Variants in RBFOX1 observed in about 807,000 individuals in gnomAD.
The protein encoded by RBFOX1 is RNA binding fox-1 homolog 1, also known as RNA binding protein fox-1 homolog 1.
RBFOX1 carries 8 observed loss-of-function variants against 57.7 expected under a neutral mutation model. That is an observed-to-expected ratio of 0.14 (90% CI 0.08 to 0.25). RBFOX1 has a LOEUF of 0.25. Among genes scored for constraint, RBFOX1 ranks in the 10% least tolerant of loss-of-function variants. The probability of loss-of-function intolerance (pLI) is 1.00; values close to 1 mark genes in which losing one functional copy is unlikely to be tolerated. For missense variants in RBFOX1, 611 were observed against 548.5 expected (o/e 1.11, Z -1.14); for synonymous variants, 326 against 222.4 (o/e 1.47, Z -4.15).
rs527966295 is a variant in RBFOX1 at position 7,111,305 on chromosome 16, A to G, written c.27+59207A>G. ...GCTTTTCTTCCTAGCTAATCAATGA[A>G]GATTAATATTCTATGGGAACCCGAC... On this transcript the variant is annotated intron_variant, in intron 4 of 15. Coordinates refer to ENST00000550418, the MANE Select transcript of RBFOX1 (RefSeq NM_018723.4). 2.0e-5 allele frequency among the ~76,000 whole-genome samples: 3 copies of G among 152,350 alleles called. No individual in the cohort carries two copies. The East Asian group carries it at 5.8e-4, about 29-fold the overall frequency.
At chr16:6,325,062 T>C (rs2082221519) in intron 2 of RBFOX1, among the ~76,000 whole-genome samples, 1 of 152,142 alleles carries the variant, frequency 6.6e-6, no homozygotes, top group African/African-American at 2.4e-5. Flanking sequence ...AGTAACGAAT[T>C]ACAGGAAAGG....
intron 1 of RBFOX1, among the ~76,000 whole-genome samples, chr16:6,283,589 G>C (rs1258625387): frequency 6.6e-6 from 1 of 152,094 alleles, no homozygotes. Context: ...CAGAACTCAG[G>C]TGAGTGAAAA....
At chr16:6,549,551 ATGG>A (rs2096954038) in intron 2 of RBFOX1, among the ~76,000 whole-genome samples, 5 of 100,824 alleles carry the variant, frequency 5.0e-5, no homozygotes, top group African/African-American at 2.0e-4. Context: ...GAGGAGGAGG[ATGG>A]GAGGAGGGGA....
chr16:7,473,641 G>A (rs12709201), intron 4 of RBFOX1, among the ~76,000 whole-genome samples: 83,271 of 151,368 alleles, frequency 0.55, 23,411 homozygotes, highest in African/African-American at 0.67. Context: ...GTAATATCTT[G>A]TTGTGCTTTA....
At chr16:6,322,127 ACTT>A (rs1406081438) in intron 2 of RBFOX1, among the ~76,000 whole-genome samples, 1 of 152,050 alleles carries the variant, frequency 6.6e-6, no homozygotes, top group African/African-American at 2.4e-5. Context: ...CTTCTAAGAG[ACTT>A]CTTTTCATTC....
chr16:7,439,589 C>A (rs1034970), intron 4 of RBFOX1, among the ~76,000 whole-genome samples: 1 of 152,186 alleles, frequency 6.6e-6, no homozygotes, highest in African/African-American at 2.4e-5. Flanking sequence ...TTAATCCATG[C>A]TTTAAATGCA....
intron 3 of RBFOX1, among the ~76,000 whole-genome samples, chr16:6,702,539 G>C (rs915602692): frequency 1.0e-4 from 14 of 137,776 alleles, no homozygotes; most frequent in African/African-American, 3.6e-4. Flanking sequence ...GGGTGACAGA[G>C]CGAGAGTCCA....
chr16:7,453,855 A>C (rs2057920000), intron 4 of RBFOX1, among the ~76,000 whole-genome samples: 1 of 152,184 alleles, frequency 6.6e-6, no homozygotes, highest in South Asian at 2.1e-4. Context: ...CATGTCCTCT[A>C]AACAGAGTCT....
rs530824369 is a variant in RBFOX1, at chr16:7,137,976, G to A, written c.27+85878G>A. On this transcript the variant is annotated intron_variant, in intron 4 of 15. Transcript: ENST00000550418. ...TAGCCTCTATTTTCATGGTTTTACAGATGAGAAAATGCACGTAGAGAGAGG... is the reference window on the plus strand; with the variant it reads ...TAGCCTCTATTTTCATGGTTTTACAAATGAGAAAATGCACGTAGAGAGAGG... Among the ~76,000 whole-genome samples the A allele has an allele frequency of 2.6e-5, 4 of 152,278 alleles. No individual in the cohort carries two copies. In the East Asian group the frequency reaches 7.7e-4, roughly 29 times the overall value.
chr16:6,259,164 G>C (rs201188310), intron 1 of RBFOX1, among the ~76,000 whole-genome samples: 1 of 152,132 alleles, frequency 6.6e-6, no homozygotes, highest in Admixed American at 6.5e-5. Flanking sequence ...GACTGAAATT[G>C]GATACAAGCC....
intron 1 of RBFOX1, among the ~76,000 whole-genome samples, chr16:6,290,747 A>G (rs2152721149): frequency 1.3e-5 from 2 of 152,330 alleles, no homozygotes; most frequent in Admixed American, 1.3e-4. Flanking sequence ...TTTCAAATAA[A>G]GGATATTGTT....
In RBFOX1 at chr16:7,675,996, C is replaced by T. The variant is rs550673154; in HGVS notation, c.931-778C>T. On this transcript the variant is annotated intron_variant, in intron 13 of 15. Coordinates refer to ENST00000550418, the MANE Select transcript of RBFOX1 (RefSeq NM_018723.4). ...TTCCTTTTGAATATGCCTATTTGCT[C>T]GTCCTCTTTGCTTAATTGAACAATT... is the stretch of plus-strand genomic sequence containing the variant. Among the ~76,000 whole-genome samples the T allele has an allele frequency of 4.6e-5, 7 of 152,196 alleles. No homozygotes were observed. The South Asian group carries it at 6.2e-4, about 14-fold the overall frequency.
intron 4 of RBFOX1, among the ~76,000 whole-genome samples, chr16:7,393,641 C>T (rs1490905818): frequency 6.6e-6 from 1 of 152,012 alleles, no homozygotes; most frequent in African/African-American, 2.4e-5. Context: ...ATAGCCTCAG[C>T]CTGATCTTGT....
At chr16:7,686,541 G>A (rs187436406) in intron 14 of RBFOX1, among the ~76,000 whole-genome samples, 6 of 151,934 alleles carry the variant, frequency 3.9e-5, no homozygotes, top group Middle Eastern at 3.4e-3. Flanking sequence ...GGTGGAGAGA[G>A]AAAGAGACTT....
intron 2 of RBFOX1, among the ~76,000 whole-genome samples, chr16:6,605,006 A>G (rs935390616): frequency 6.6e-6 from 1 of 151,916 alleles, no homozygotes; most frequent in African/African-American, 2.4e-5. Flanking sequence ...TATAAATATA[A>G]ATGTATTTAT....
chr16:6,176,313 ATTTTTTTTT>A (rs34667158), intron 1 of RBFOX1, among the ~76,000 whole-genome samples: 1 of 95,256 alleles, frequency 1.0e-5, no homozygotes, highest in Non-Finnish European at 1.9e-5. Context: ...GCCTGACCAA[ATTTTTTTTT>A]TTTTTTTTTT....
chr16:5,990,023 C>G, intron 4 of RBFOX1, among the ~76,000 whole-genome samples: 1 of 152,120 alleles, frequency 6.6e-6, no homozygotes, highest in East Asian at 1.9e-4. Flanking sequence ...CTGGGTCTCC[C>G]TCTGTTGCCC....
At chr16:7,184,186 C>T (rs1041949350) in intron 4 of RBFOX1, among the ~76,000 whole-genome samples, 9 of 152,066 alleles carry the variant, frequency 5.9e-5, no homozygotes, top group South Asian at 2.1e-4. Context: ...GAATTAGCTC[C>T]GTGAACAAGT....
intron 3 of RBFOX1, among the ~76,000 whole-genome samples, chr16:6,938,986 T>C (rs1275328063): frequency 2.6e-5 from 4 of 152,148 alleles, no homozygotes; most frequent in African/African-American, 7.2e-5. Context: ...AGGAATGCAC[T>C]GTAACTGTTC....
Sources: allele counts gnomAD v4.1 joint callset (sites outside exome capture counted in the v4.1 genomes callset), GRCh38; gene constraint gnomAD v4.1.1; transcripts MANE v1.5; gene names NCBI Gene and HGNC (gene_info 2026-07-23, HGNC 2026-07-21).